Variants in MYCBP2 observed in about 807,000 individuals in gnomAD.
MYCBP2 encodes MYC binding protein 2.
In MYCBP2, 120 loss-of-function variants were observed where a neutral mutation model predicts 525.3. The observed-to-expected ratio is 0.23, with a 90% CI of 0.20 to 0.27. The LOEUF is 0.27. Ranked by LOEUF, MYCBP2 falls within the 10% of genes least tolerant of loss-of-function variation. The probability of loss-of-function intolerance (pLI) is 1.00; values close to 1 mark genes in which losing one functional copy is unlikely to be tolerated. For synonymous variants in MYCBP2, 1,894 were observed against 1,955.8 expected, an observed-to-expected ratio of 0.97 and a Z score of 0.83; for missense variants, 4,149 against 5,657.1, an observed-to-expected ratio of 0.73 and a Z score of 8.55.
chr13:77,311,907 C>T (rs907097033), intron 1 of MYCBP2, among the ~76,000 whole-genome samples: 2 of 151,898 alleles, frequency 1.3e-5, no homozygotes, highest in Non-Finnish European at 2.9e-5. Flanking sequence ...CAGTACTCTT[C>T]AAAGAGGATA....
intron 39 of MYCBP2, among the ~76,000 whole-genome samples, chr13:77,168,992 T>C (rs2058834549): frequency 6.6e-6 from 1 of 152,236 alleles, no homozygotes; most frequent in South Asian, 2.1e-4. Flanking sequence ...GCTATTGTTA[T>C]TAATGAAGAC....
intron 15 of MYCBP2, among the ~76,000 whole-genome samples, chr13:77,247,818 A>G (rs561751164): frequency 6.6e-6 from 1 of 152,344 alleles, no homozygotes; most frequent in Admixed American, 6.5e-5. Flanking sequence ...TAGAGAAAGG[A>G]TAATCATTTC....
chr13:77,212,247 A>G, intron 21 of MYCBP2, 87 bp from the exon 22 acceptor site: 1 of 1,172,554 alleles, frequency 8.5e-7, no homozygotes, highest in Non-Finnish European at 1.2e-6. Context: ...GATAAAAATC[A>G]ATCTATGAAA....
chr13:77,058,172 C>T lies in MYCBP2; in HGVS notation c.13329+46G>A. Reference sequence around the variant, plus strand: ...ATGTTTATTTGACAAATATATTCCCCATCTTAATGTCTGGATACATTCAAT... The same window carrying T: ...ATGTTTATTTGACAAATATATTCCCTATCTTAATGTCTGGATACATTCAAT... On this transcript the variant is annotated intron_variant, in intron 78 of 82. Transcript: ENST00000544440. This position sits in a 1 kb window ranked among gnomAD's most constrained non-coding sequence, Gnocchi z 4.1. 1 of 1,576,148 alleles carries T rather than the reference C, an allele frequency of 6.3e-7. No individual in the cohort carries two copies.
intron 20 of MYCBP2, among the ~76,000 whole-genome samples, chr13:77,221,997 T>C (rs1193456671): frequency 1.3e-5 from 2 of 152,220 alleles, no homozygotes; most frequent in African/African-American, 4.8e-5. Context: ...TGTTATACTC[T>C]GTTGTTTAGG....
At chr13:77,217,191 C>A (rs553379576) in intron 21 of MYCBP2, among the ~76,000 whole-genome samples, 19 of 152,326 alleles carry the variant, frequency 1.2e-4, no homozygotes, top group African/African-American at 4.6e-4. Flanking sequence ...TAAATGTCAT[C>A]TCAGACACTT....
intron 10 of MYCBP2, 102 bp from the exon 11 acceptor site, chr13:77,262,231 TA>T: frequency 1.1e-6 from 1 of 937,340 alleles, no homozygotes; most frequent in Non-Finnish European, 1.6e-6. Flanking sequence ...TCAAAATCAC[TA>T]AAAAACAAGG....
chr13:77,145,967 T>TGG (rs2055468988), intron 48 of MYCBP2, among the ~76,000 whole-genome samples, 195 bp downstream of exon 48: 1 of 152,046 alleles, frequency 6.6e-6, no homozygotes, highest in South Asian at 2.1e-4. Context: ...TGTAATATAT[T>TGG]GGCAGTATTA....
At chr13:77,118,561 A>T (rs756593583) in intron 55 of MYCBP2, 2 of 743,902 alleles carry the variant, frequency 2.7e-6, no homozygotes, top group Admixed American at 3.5e-5. Flanking sequence ...GGCAAAGTAA[A>T]TGGTGCTTTA....
At position 77,101,405 on chromosome 13, in the gene MYCBP2, T is replaced by C. The variant is rs115481459; in HGVS notation, c.8141-2392A>G. Among the ~76,000 whole-genome samples the C allele has an allele frequency of 2.1e-3, 313 of 152,230 alleles. 2 individuals are homozygous for C. The highest frequency in any genetic ancestry group is 5.5e-3 in the African/African-American group (229 of 41,568). ...AGGAATGGTGAATACCTGCTGATGC[T>C]ACCTCTATTCTAGGAATGCATATGA... On this transcript the variant is annotated intron_variant, in intron 55 of 82. Transcript: ENST00000544440.
chr13:77,114,238 T>A (rs1293241489), intron 55 of MYCBP2, among the ~76,000 whole-genome samples: 2 of 152,146 alleles, frequency 1.3e-5, no homozygotes, highest in African/African-American at 4.8e-5. Context: ...AATTCCTTCC[T>A]GCAACTCATT....
intron 52 of MYCBP2, among the ~76,000 whole-genome samples, chr13:77,136,171 T>C (rs2053730309): frequency 6.6e-6 from 1 of 152,228 alleles, no homozygotes; most frequent in South Asian, 2.1e-4. Context: ...TTCAAGTCCA[T>C]GCAGATGATC....
At chr13:77,291,798 C>A (rs1220326782) in intron 2 of MYCBP2, among the ~76,000 whole-genome samples, 1 of 151,496 alleles carries the variant, frequency 6.6e-6, no homozygotes, top group Non-Finnish European at 1.5e-5. Context: ...ACTAAACGTA[C>A]ATTTACCGTG....
intron 46 of MYCBP2, among the ~76,000 whole-genome samples, chr13:77,153,752 C>CTT (rs57109608): frequency 6.0e-4 from 90 of 149,938 alleles, no homozygotes; most frequent in South Asian, 1.3e-3. Context: ...TTAAAATAAA[C>CTT]TTTTTTTTTT....
intron 56 of MYCBP2, among the ~76,000 whole-genome samples, chr13:77,096,996 A>T (rs531993209): frequency 6.6e-6 from 1 of 152,292 alleles, no homozygotes; most frequent in South Asian, 2.1e-4. Context: ...TATAGAAATC[A>T]ATCTAATCTA....
chr13:77,190,130 C>T (rs2061158034), intron 29 of MYCBP2, 122 bp downstream of exon 29: 2 of 521,840 alleles, frequency 3.8e-6, no homozygotes, highest in African/African-American at 1.9e-5. Flanking sequence ...GTTCTACCAG[C>T]ATATTATAAT....
intron 77 of MYCBP2, 101 bp downstream of exon 77, chr13:77,059,422 G>C (rs1421410327): frequency 9.3e-6 from 8 of 862,508 alleles, no homozygotes; most frequent in Admixed American, 9.1e-5. Flanking sequence ...CACTCATTTA[G>C]GAAGCTGGAG....
rs1406360099 is a variant in MYCBP2, at chr13:77,045,086, A to G, written c.*292T>C. On this transcript the variant is annotated 3_prime_UTR_variant, in exon 83 of 83. Transcript: ENST00000544440. ...TGGGCATGGCGATTCTTTTATATCA[A>G]TTATCTATAAATGTCCAATGCTTCA... The G allele has an allele frequency of 1.2e-5, 5 of 415,996 alleles. No homozygotes were observed. The highest frequency in any genetic ancestry group is 2.1e-5 in the Non-Finnish European group (5 of 235,736). 25.8% of individuals were successfully genotyped at this position (415,996 alleles called of 1,614,324 possible).
At chr13:77,074,301 C>T (rs1271489706) in intron 68 of MYCBP2, among the ~76,000 whole-genome samples, 2 of 151,982 alleles carry the variant, frequency 1.3e-5, no homozygotes, top group Non-Finnish European at 2.9e-5. Context: ...TCAATTCTTA[C>T]ACTGCACATA....
Sources: allele counts gnomAD v4.1 joint callset (sites outside exome capture counted in the v4.1 genomes callset), GRCh38; gene constraint gnomAD v4.1.1; non-coding constraint Gnocchi (gnomAD v3.1); transcripts MANE v1.5; gene names NCBI Gene and HGNC (gene_info 2026-07-23, HGNC 2026-07-21).